Variants in CALN1 observed in about 807,000 individuals in gnomAD.
CALN1 encodes calcium-binding protein 8.
In CALN1, 17 loss-of-function variants were observed where a neutral mutation model predicts 30.6. That is an observed-to-expected ratio of 0.56 (90% CI 0.38 to 0.83). CALN1 has a LOEUF of 0.83. Ranked by LOEUF, CALN1 falls within the 40% of genes least tolerant of loss-of-function variation. The pLI is 0.00. For missense variants in CALN1, 291 were observed against 354.9 expected (o/e 0.82, Z 1.45); for synonymous variants, 156 against 131.4 (o/e 1.19, Z -1.28).
the CALN1 span, among the ~76,000 whole-genome samples, chr7:72,452,544 C>T: frequency 6.6e-6 from 1 of 152,178 alleles, no homozygotes; most frequent in South Asian, 2.1e-4. Context: ...TCACCTTCCA[C>T]CATGAGTAGA....
At chr7:71,962,076 G>T (rs1222100642) in intron 5 of CALN1, among the ~76,000 whole-genome samples, 1 of 149,460 alleles carries the variant, frequency 6.7e-6, no homozygotes, top group Admixed American at 6.7e-5. Flanking sequence ...AGATGCAAGT[G>T]CAAGATAGGA....
chr7:72,476,004 A>T, the CALN1 span, among the ~76,000 whole-genome samples: 1 of 130,772 alleles, frequency 7.6e-6, no homozygotes, highest in Non-Finnish European at 1.5e-5. Flanking sequence ...GCTGGAGTGC[A>T]GTGGTGTGAT....
intron 4 of CALN1, among the ~76,000 whole-genome samples, chr7:72,031,022 T>C (rs1801404574): frequency 6.6e-6 from 1 of 152,216 alleles, no homozygotes; most frequent in African/African-American, 2.4e-5. Flanking sequence ...CTAATTCATT[T>C]ACATCTTCCT....
intron 2 of CALN1, among the ~76,000 whole-genome samples, chr7:72,328,753 T>C (rs565334598): frequency 6.6e-6 from 1 of 152,376 alleles, no homozygotes; most frequent in African/African-American, 2.4e-5. Flanking sequence ...TGGAGTGCAG[T>C]GGCACAATCT....
chr7:72,069,725 C>A (rs1043686532), intron 4 of CALN1, among the ~76,000 whole-genome samples: 15 of 152,274 alleles, frequency 9.9e-5, no homozygotes, highest in Middle Eastern at 6.8e-3. Context: ...GTAACATTTA[C>A]AAGTTCAAAG....
intron 3 of CALN1, among the ~76,000 whole-genome samples, chr7:72,130,893 GTTAT>G (rs1809097747): frequency 8.2e-6 from 1 of 122,698 alleles, no homozygotes; most frequent in South Asian, 2.7e-4. Flanking sequence ...GAATAAACAG[GTTAT>G]TTTTGAAGAG....
chr7:71,896,322 A>T (rs1371573983), intron 5 of CALN1, among the ~76,000 whole-genome samples: 1 of 152,130 alleles, frequency 6.6e-6, no homozygotes, highest in Non-Finnish European at 1.5e-5. Context: ...GTCACCAAAT[A>T]TCATCTCTCT....
the CALN1 span, among the ~76,000 whole-genome samples, chr7:72,478,139 G>A: frequency 1.3e-5 from 2 of 151,904 alleles, no homozygotes; most frequent in African/African-American, 4.8e-5. Flanking sequence ...TACTTTGGGA[G>A]GCTGAGTAGG....
At chr7:72,207,272 G>C (rs540681114) in intron 3 of CALN1, among the ~76,000 whole-genome samples, 2 of 152,114 alleles carry the variant, frequency 1.3e-5, no homozygotes, top group African/African-American at 2.4e-5. Flanking sequence ...TTCTTATCTT[G>C]AGTTTTGGGT....
At chr7:71,825,649 C>T (rs565054723) in intron 5 of CALN1, among the ~76,000 whole-genome samples, 197 of 152,080 alleles carry the variant, frequency 1.3e-3, no homozygotes, top group African/African-American at 4.5e-3. Flanking sequence ...GAGAGACAGA[C>T]GTACCTTGGA....
intron 4 of CALN1, among the ~76,000 whole-genome samples, chr7:72,026,892 A>C (rs556319358): frequency 6.8e-6 from 1 of 147,674 alleles, no homozygotes; most frequent in South Asian, 2.2e-4. Flanking sequence ...AGCTAACTCC[A>C]CGTGGCTCCA....
At chr7:71,819,410 G>A (rs11495966) in intron 5 of CALN1, among the ~76,000 whole-genome samples, 24,451 of 151,288 alleles carry the variant, frequency 0.16, 2,830 homozygotes, top group East Asian at 0.6. Context: ...CACCATGTTG[G>A]CCAGGCTGGT....
chr7:72,332,831 C>T (rs1801764618), intron 2 of CALN1, among the ~76,000 whole-genome samples: 1 of 152,208 alleles, frequency 6.6e-6, no homozygotes, highest in Non-Finnish European at 1.5e-5. Flanking sequence ...ATCCTCCCCA[C>T]CATGGCCTCA....
At chr7:72,228,745 ATTTATTTATT>A (rs1562768720) in intron 3 of CALN1, among the ~76,000 whole-genome samples, 6 of 17,084 alleles carry the variant, frequency 3.5e-4, no homozygotes, top group East Asian at 0.5. Flanking sequence ...TTATATATTT[ATTTATTTATT>A]TATTTATTTA....
At chr7:72,482,645 C>A in the CALN1 span, among the ~76,000 whole-genome samples, 4 of 152,132 alleles carry the variant, frequency 2.6e-5, no homozygotes, top group Admixed American at 2.6e-4. Context: ...CACTCCTAAT[C>A]TTTGACTATT....
At chr7:72,362,395 A>T (rs993316147) in intron 2 of CALN1, among the ~76,000 whole-genome samples, 5 of 152,136 alleles carry the variant, frequency 3.3e-5, no homozygotes, top group Non-Finnish European at 7.3e-5. Context: ...TGGCCAACAG[A>T]GCACTCTAAG....
chr7:72,183,889 C>T (rs1392337416), intron 3 of CALN1, among the ~76,000 whole-genome samples: 3 of 151,940 alleles, frequency 2.0e-5, no homozygotes, highest in South Asian at 2.1e-4. Flanking sequence ...AAAGTCCCCT[C>T]GAACAAAGAA....
the CALN1 span, among the ~76,000 whole-genome samples, chr7:72,465,119 C>T: frequency 6.6e-6 from 1 of 152,136 alleles, no homozygotes; most frequent in African/African-American, 2.4e-5. Flanking sequence ...TCTCTCTGCT[C>T]TCTCCAGAAC....
At chr7:72,500,350 G>A in the CALN1 span, among the ~76,000 whole-genome samples, 1 of 125,878 alleles carries the variant, frequency 7.9e-6, no homozygotes. Flanking sequence ...TCGCGATCTC[G>A]GTTCACCACA....
Sources: gnomAD v4.1 joint callset for allele counts (sites outside exome capture counted in the v4.1 genomes callset) on GRCh38, gnomAD v4.1.1 for gene constraint, MANE v1.5 for transcripts, NCBI Gene and HGNC (gene_info 2026-07-23, HGNC 2026-07-21) for gene names.